The following PIGB variants were observed in gnomAD, a reference collection of about 807,000 sequenced individuals.
PIGB encodes phosphatidylinositol glycan anchor biosynthesis class B.
Under a neutral mutation model 68.4 loss-of-function variants are expected in PIGB, and 58 were observed. The observed-to-expected ratio is 0.85, with a 90% CI of 0.69 to 1.06. PIGB has a LOEUF of 1.06. Ranked by LOEUF, PIGB falls within the 50% of genes least tolerant of loss-of-function variation. The pLI is 0.00. For missense variants in PIGB, 634 were observed against 655.8 expected (o/e 0.97, Z 0.36); for synonymous variants, 219 against 220.5 (o/e 0.99, Z 0.06).
Position 55,354,265 on chromosome 15 carries a change from G to A in PIGB, c.1338-533G>A, listed in dbSNP as rs535233573. Among the ~76,000 whole-genome samples the A allele has an allele frequency of 2.5e-3, 382 of 151,666 alleles. 1 individual carries two copies. Among genetic ancestry groups the A allele is most frequent in the African/African-American group, 8.7e-3 (360 of 41,376 alleles). ...GGAGGTTGCAGTGAGCTGAGATTGC[G>A]CCATTGCACTCCAGCCTGGGTGACG... On this transcript the variant is annotated intron_variant, in intron 10 of 11. Transcript: ENST00000164305.
rs765931863 is a variant in PIGB at position 55,319,260 on chromosome 15, C to A, written c.10C>A (p.Pro4Thr). ...AAGGTGGCGGCCAGGGATGAGGAGGCCCCTAAGCAAGTGCGGAATGGAGCC... is the reference window on the plus strand; with the variant it reads ...AAGGTGGCGGCCAGGGATGAGGAGGACCCTAAGCAAGTGCGGAATGGAGCC... MRR[P>T]LSKCGMEPGG... The change falls in exon 1 of 12, where the codon CCC becomes ACC. Residue 4 changes from proline to threonine, a missense_variant. Transcript: ENST00000164305. 6.8e-6 allele frequency: 11 copies of A among 1,606,206 alleles called. No homozygotes were observed. Among genetic ancestry groups the A allele is most frequent in the Non-Finnish European group, 9.3e-6 (11 of 1,176,960 alleles).
chr15:55,340,623 T>C lies in PIGB; in HGVS notation c.858T>C (p.Val286=). Residue 286 remains valine (V), a synonymous_variant, in exon 8 of 12, where the codon GTT becomes GTC. Coordinates refer to ENST00000164305, the MANE Select transcript of PIGB (RefSeq NM_004855.5). ...TTCAACGGTGCCAGTGGACTCTGGT[T>C]CAATTTAATTTTTTGAAATTTAACG... is the stretch of plus-strand genomic sequence containing the variant. ...DRIFFGQWTL[V]QFNFLKFNVL... 6.2e-7 allele frequency: 1 copy of C among 1,609,546 alleles called. No homozygotes were observed. The highest frequency in any genetic ancestry group is 8.5e-7 in the Non-Finnish European group (1 of 1,177,506).
At chr15:55,335,956 A>T (rs1358392509) in intron 6 of PIGB, among the ~76,000 whole-genome samples, 1 of 152,220 alleles carries the variant, frequency 6.6e-6, no homozygotes, top group Non-Finnish European at 1.5e-5. Context: ...TTTAATAAGC[A>T]TTTAACCTAC....
chr15:55,348,073 A>G (rs898116107), intron 9 of PIGB, among the ~76,000 whole-genome samples: 8 of 141,086 alleles, frequency 5.7e-5, no homozygotes, highest in African/African-American at 1.8e-4. Context: ...ACTGCAACCT[A>G]TGCCTGCCGG....
At chr15:55,350,962 C>T in intron 10 of PIGB, 50 bp downstream of exon 10, 1 of 904,368 alleles carries the variant, frequency 1.1e-6, no homozygotes, top group South Asian at 1.6e-5. Context: ...AAACTGACTA[C>T]TTTAAAATTC....
chr15:55,349,767 G>A (rs994908709), intron 9 of PIGB: 4 of 152,130 alleles, frequency 2.6e-5, no homozygotes, highest in South Asian at 2.1e-4. Context: ...ACCAAGGTTT[G>A]GATGAAGAAT....
chr15:55,327,983 T>A (rs1313564668), intron 4 of PIGB, among the ~76,000 whole-genome samples: 1 of 152,212 alleles, frequency 6.6e-6, no homozygotes, highest in Non-Finnish European at 1.5e-5. Context: ...CAAAGCATCT[T>A]AGCTATTTAC....
chr15:55,347,083 T>C (rs2055810917), intron 9 of PIGB, among the ~76,000 whole-genome samples: 2 of 152,262 alleles, frequency 1.3e-5, no homozygotes, highest in South Asian at 4.1e-4. Flanking sequence ...ATTATAAAGA[T>C]ATTTTCTTTA....
At chr15:55,329,367 T>C (rs2055363192) in intron 4 of PIGB, among the ~76,000 whole-genome samples, 1 of 152,208 alleles carries the variant, frequency 6.6e-6, no homozygotes, top group Admixed American at 6.5e-5. Context: ...TGAGAAATAT[T>C]GATTGGAAGA....
At chr15:55,349,176 C>T (rs2055870374) in intron 9 of PIGB, among the ~76,000 whole-genome samples, 1 of 149,492 alleles carries the variant, frequency 6.7e-6, no homozygotes, top group Non-Finnish European at 1.5e-5. Flanking sequence ...AGCTACCGCA[C>T]CTGGCCCTAT....
At chr15:55,328,445 A>G (rs2055340139) in intron 4 of PIGB, among the ~76,000 whole-genome samples, 1 of 152,342 alleles carries the variant, frequency 6.6e-6, no homozygotes, top group South Asian at 2.1e-4. Context: ...ATTTAGCAAC[A>G]TATTTCTGAA....
intron 4 of PIGB, among the ~76,000 whole-genome samples, chr15:55,328,248 C>G (rs931755778): frequency 6.6e-6 from 1 of 152,198 alleles, no homozygotes; most frequent in Non-Finnish European, 1.5e-5. Flanking sequence ...ACATCTCCCA[C>G]TCCAATCTTG....
chr15:55,350,465 C>T (rs1028515083), intron 9 of PIGB: 2 of 513,196 alleles, frequency 3.9e-6, no homozygotes. Context: ...ACCTGTTGGA[C>T]TCCATAACCA....
intron 1 of PIGB, 79 bp downstream of exon 1, chr15:55,319,492 C>G (rs985977101): frequency 9.2e-7 from 1 of 1,090,462 alleles, no homozygotes; most frequent in Non-Finnish European, 1.3e-6. Flanking sequence ...CAGCCAGTTG[C>G]CCGTTGAGCT....
intron 3 of PIGB, among the ~76,000 whole-genome samples, chr15:55,323,439 A>T (rs922877033): frequency 6.6e-6 from 1 of 152,160 alleles, no homozygotes; most frequent in Non-Finnish European, 1.5e-5. Context: ...CCTGGGCAAC[A>T]TAGCAAAACT....
At chr15:55,330,890 G>C (rs2055398409) in intron 5 of PIGB, among the ~76,000 whole-genome samples, 1 of 152,180 alleles carries the variant, frequency 6.6e-6, no homozygotes, top group African/African-American at 2.4e-5. Flanking sequence ...ATTCACTCAA[G>C]TTACGTATAT....
intron 5 of PIGB, among the ~76,000 whole-genome samples, chr15:55,330,127 A>C (rs1376931697): frequency 6.6e-6 from 1 of 152,338 alleles, no homozygotes; most frequent in Non-Finnish European, 1.5e-5. Context: ...TATAGTAGGA[A>C]GTCTGTATTA....
chr15:55,327,156 A>G (rs12594580), intron 3 of PIGB, among the ~76,000 whole-genome samples: 1 of 148,802 alleles, frequency 6.7e-6, no homozygotes, highest in Non-Finnish European at 1.5e-5. Context: ...ATGTGTGTGT[A>G]TATATGTCAT....
chr15:55,325,341 A>C (rs566450881), intron 3 of PIGB, among the ~76,000 whole-genome samples: 1 of 151,992 alleles, frequency 6.6e-6, no homozygotes, highest in African/African-American at 2.4e-5. Context: ...CACACACACA[A>C]AATAAAAAAA....
Sources: allele counts gnomAD v4.1 joint callset (sites outside exome capture counted in the v4.1 genomes callset), GRCh38; gene constraint gnomAD v4.1.1; transcripts MANE v1.5; gene names NCBI Gene and HGNC (gene_info 2026-07-23, HGNC 2026-07-21).